Variants in C11orf54 observed in about 807,000 individuals in gnomAD.
C11orf54 encodes beta-keto L-gulonate decarboxylase.
A neutral mutation model predicts 35.5 loss-of-function variants in C11orf54; 29 were observed. That is an observed-to-expected ratio of 0.82 (90% CI 0.61 to 1.11). The LOEUF (loss-of-function observed/expected upper bound fraction) is 1.11. C11orf54 is among the 50% of genes most tolerant of loss of function. C11orf54 has a pLI of 0.00. For synonymous variants in C11orf54, 108 were observed against 121.1 expected (o/e 0.89, Z 0.71); for missense variants, 373 against 369.2 (o/e 1.01, Z -0.08).
chr11:93,760,803 T>C (rs1382480341), intron 8 of C11orf54, among the ~76,000 whole-genome samples: 1 of 151,914 alleles, frequency 6.6e-6, no homozygotes, highest in Non-Finnish European at 1.5e-5. Flanking sequence ...GGATTACCGG[T>C]ACTCACCACC....
intron 3 of C11orf54, among the ~76,000 whole-genome samples, chr11:93,751,521 C>A (rs935518091): frequency 3.3e-5 from 5 of 151,014 alleles, no homozygotes; most frequent in Non-Finnish European, 7.4e-5. Context: ...TCTCCAGCCT[C>A]AGCCTCCTGA....
intron 8 of C11orf54, 76 bp from the exon 9 acceptor site, chr11:93,761,439 C>T (rs1048898144): frequency 2.9e-5 from 38 of 1,322,960 alleles, no homozygotes; most frequent in Middle Eastern, 3.8e-4. Context: ...ACTATTGCAA[C>T]GTAAAAAGTT....
intron 2 of C11orf54, among the ~76,000 whole-genome samples, chr11:93,747,930 A>G (rs950393085): frequency 1.1e-4 from 16 of 152,222 alleles, no homozygotes; most frequent in Non-Finnish European, 2.4e-4. Flanking sequence ...GTTTCCCAAG[A>G]TAAATTAGGA....
chr11:93,754,587 A>G (rs894083295), intron 5 of C11orf54, among the ~76,000 whole-genome samples: 31 of 152,228 alleles, frequency 2.0e-4, no homozygotes, highest in Non-Finnish European at 3.8e-4. Flanking sequence ...ACCTCTTCAG[A>G]TATGAATAGT....
In C11orf54 at chr11:93,753,917, AT is replaced by A; in HGVS notation, c.229-13del. 6.2e-7 allele frequency: 1 copy of A among 1,605,832 alleles called. No individual in the cohort carries two copies. Among genetic ancestry groups the A allele is most frequent in the Non-Finnish European group, 8.5e-7 (1 of 1,173,664 alleles). ...TTGTACAAGTTGTGACTTAAATAATATTTTTTCCTCTTCTATAGGTTTATGA... is the reference window on the plus strand; with the variant it reads ...TTGTACAAGTTGTGACTTAAATAATATTTTTCCTCTTCTATAGGTTTATGA... On this transcript the variant is annotated intron_variant, in intron 4 of 8. Transcript: ENST00000354421.
chr11:93,751,347 G>A (rs1942808721), intron 3 of C11orf54, among the ~76,000 whole-genome samples: 1 of 150,200 alleles, frequency 6.7e-6, no homozygotes, highest in African/African-American at 2.5e-5. Context: ...TGTGTACCAT[G>A]TGGCAATTTC....
At chr11:93,744,353 A>G (rs1942326261) in intron 1 of C11orf54, among the ~76,000 whole-genome samples, 1 of 152,240 alleles carries the variant, frequency 6.6e-6, no homozygotes, top group South Asian at 2.1e-4. Flanking sequence ...AACGGAAACA[A>G]CTGACCTAAC....
At chr11:93,753,832 CT>C (rs1942977147) in intron 4 of C11orf54, 77 bp downstream of exon 4, 1 of 1,548,298 alleles carries the variant, frequency 6.5e-7, no homozygotes, top group African/African-American at 1.4e-5. Context: ...ATTAGAAGAC[CT>C]GTTGATCAGT....
chr11:93,752,258 A>G (rs1331442046), intron 3 of C11orf54, among the ~76,000 whole-genome samples: 1 of 152,162 alleles, frequency 6.6e-6, no homozygotes, highest in Non-Finnish European at 1.5e-5. Context: ...TATGCATCTA[A>G]TATGTGTATG....
chr11:93,750,294 G>T lies in C11orf54; in HGVS notation c.56-52G>T, dbSNP rs1365651192. The T allele has an allele frequency of 4.7e-6, 7 of 1,480,636 alleles. No individual in the cohort carries two copies. In the Admixed American group the frequency reaches 1.2e-4, roughly 25 times the overall value. The allele number at this position is 1,480,636 out of a possible 1,614,324, so 91.7% of individuals were successfully genotyped here. A position where few individuals can be genotyped will look rare whatever the true frequency, so the allele number is the denominator to read the frequency against. ...AGCCACATACCACTTTTGATACGTG[G>T]TAGCCAAGTTTTTACCTAATGTTAA... On this transcript the variant is annotated intron_variant, in intron 2 of 8. Transcript: ENST00000354421.
chr11:93,753,554 C>T, intron 3 of C11orf54, 128 bp from the exon 4 acceptor site: 2 of 759,408 alleles, frequency 2.6e-6, no homozygotes, highest in Non-Finnish European at 4.3e-6. Flanking sequence ...ACTATGTCTT[C>T]CAATCCCTGT....
intron 6 of C11orf54, among the ~76,000 whole-genome samples, chr11:93,757,053 G>C (rs602242): frequency 0.55 from 84,201 of 151,780 alleles, 24,760 homozygotes; most frequent in Admixed American, 0.69. Flanking sequence ...TGAGAAACTT[G>C]TCTTTCTCAG....
In C11orf54 at chr11:93,754,416, A is replaced by T. The variant is rs1943018116; in HGVS notation, c.330+379A>T. Among the ~76,000 whole-genome samples the T allele has an allele frequency of 1.3e-5, 2 of 152,108 alleles. 1 individual carries two copies. Among genetic ancestry groups the T allele is most frequent in the South Asian group, 4.1e-4 (2 of 4,830 alleles). ...GAATGGAATATTAGTGATCTAGTCA[A>T]CTCCTTCTTCCACACCAAATAGTAG... is the stretch of plus-strand genomic sequence containing the variant. On this transcript the variant is annotated intron_variant, in intron 5 of 8. Coordinates refer to ENST00000354421, the MANE Select transcript of C11orf54 (RefSeq NM_001286069.2).
chr11:93,762,655 G>C lies in C11orf54; in HGVS notation c.*967G>C, dbSNP rs907549270. The C allele has an allele frequency of 7.9e-5, 12 of 152,184 alleles. No homozygotes were observed. The highest frequency in any genetic ancestry group is 2.9e-4 in the African/African-American group (12 of 41,442). 9.4% of individuals were successfully genotyped at this position (152,184 alleles called of 1,614,324 possible). On this transcript the variant is annotated 3_prime_UTR_variant, in exon 9 of 9. Coordinates refer to ENST00000354421, the MANE Select transcript of C11orf54 (RefSeq NM_001286069.2). ...AAAAAAACACAAACATTAGCAACTA[G>C]TTGGCTAGCCATAATTCCTCCCTTG...
chr11:93,759,154 A>T (rs891911054), intron 7 of C11orf54, among the ~76,000 whole-genome samples: 1 of 152,264 alleles, frequency 6.6e-6, no homozygotes, highest in Non-Finnish European at 1.5e-5. Flanking sequence ...CAATCCCATT[A>T]CTGGGCATAT....
intron 1 of C11orf54, chr11:93,742,604 C>T (rs1348323386): frequency 6.6e-6 from 1 of 152,212 alleles, no homozygotes; most frequent in Non-Finnish European, 1.5e-5. Flanking sequence ...ATTCTGTTTT[C>T]ATATGATAAA....
At chr11:93,755,095 CTT>C in intron 5 of C11orf54, 113 bp from the exon 6 acceptor site, 1 of 1,044,404 alleles carries the variant, frequency 9.6e-7, no homozygotes, top group Non-Finnish European at 1.4e-6. Flanking sequence ...TTTATGTTCT[CTT>C]ATTAGGACTT....
At chr11:93,758,663 C>G (rs1199190726) in intron 7 of C11orf54, among the ~76,000 whole-genome samples, 1 of 152,270 alleles carries the variant, frequency 6.6e-6, no homozygotes, top group Non-Finnish European at 1.5e-5. Flanking sequence ...TGCTGACACA[C>G]CAGCCCCCTG....
At chr11:93,745,042 C>A (rs1447105052) in intron 1 of C11orf54, among the ~76,000 whole-genome samples, 2 of 152,294 alleles carry the variant, frequency 1.3e-5, no homozygotes, top group East Asian at 3.9e-4. Flanking sequence ...TCTCTTTACC[C>A]AAACATCTCA....
Sources: gnomAD v4.1 joint callset for allele counts (sites outside exome capture counted in the v4.1 genomes callset) on GRCh38, gnomAD v4.1.1 for gene constraint, MANE v1.5 for transcripts, NCBI Gene and HGNC (gene_info 2026-07-23, HGNC 2026-07-21) for gene names.